Variants in STK32B observed in about 807,000 individuals in gnomAD.
The protein encoded by STK32B is serine/threonine kinase 32B, also known as serine/threonine-protein kinase 32B.
Under a neutral mutation model 52.6 loss-of-function variants are expected in STK32B, and 43 were observed. The observed-to-expected ratio is 0.82, with a 90% confidence interval of 0.64 to 1.05. The LOEUF (loss-of-function observed/expected upper bound fraction) is 1.05. STK32B is among the 50% of genes least tolerant of loss of function. The pLI is 0.00. For missense variants in STK32B, 621 were observed against 534.6 expected, an observed-to-expected ratio of 1.16 and a Z score of -1.59; for synonymous variants, 238 against 204.3, an observed-to-expected ratio of 1.17 and a Z score of -1.41.
the STK32B span, among the ~76,000 whole-genome samples, chr4:5,023,546 G>T: frequency 6.6e-6 from 1 of 152,096 alleles, no homozygotes; most frequent in Non-Finnish European, 1.5e-5. Flanking sequence ...TTCAAATCCT[G>T]TACCTTCTTA....
intron 3 of STK32B, among the ~76,000 whole-genome samples, chr4:5,283,674 G>C (rs1728354176): frequency 6.6e-6 from 1 of 152,186 alleles, no homozygotes; most frequent in Non-Finnish European, 1.5e-5. Flanking sequence ...GGCCAGGAGA[G>C]AGTGGGATGA....
chr4:5,431,564 C>G (rs541402089), intron 6 of STK32B, among the ~76,000 whole-genome samples: 1 of 151,276 alleles, frequency 6.6e-6, no homozygotes, highest in Non-Finnish European at 1.5e-5. Context: ...AAGTAGCTTT[C>G]TGATACTGGT....
chr4:5,294,277 T>A (rs1382998040), intron 3 of STK32B, among the ~76,000 whole-genome samples: 1 of 152,042 alleles, frequency 6.6e-6, no homozygotes, highest in Non-Finnish European at 1.5e-5. Flanking sequence ...ACAGGCTGTC[T>A]TTTGGTTCCA....
chr4:5,111,751 A>G lies in STK32B; in HGVS notation c.53-28154A>G, dbSNP rs2108802735. ...AACAAACACATGTACCCCTGAATCT[A>G]AAATTAAAAATAAAGAAAACGATGT... On this transcript the variant is annotated intron_variant, in intron 1 of 11. Coordinates refer to ENST00000282908, the MANE Select transcript of STK32B (RefSeq NM_018401.3). 1.3e-5 allele frequency among the ~76,000 whole-genome samples: 2 copies of G among 152,216 alleles called. 1 individual carries two copies. Among genetic ancestry groups the G allele is most frequent in the African/African-American group, 4.8e-5 (2 of 41,500 alleles).
chr4:5,456,279 C>T (rs1716513183), intron 7 of STK32B, among the ~76,000 whole-genome samples: 1 of 152,244 alleles, frequency 6.6e-6, no homozygotes, highest in Admixed American at 6.5e-5. Context: ...GAGGGGAGGA[C>T]AGGTGAGAAG....
In STK32B at chr4:5,460,317, G is replaced by T. The variant is rs774371510; in HGVS notation, c.909+89G>T. On this transcript the variant is annotated intron_variant, in intron 9 of 11. Transcript: ENST00000282908. This position sits in a 1 kb window ranked among gnomAD's most constrained non-coding sequence, Gnocchi z 4.8. Reference sequence around the variant, plus strand: ...CAAGACTTTGGCAGCTGGCTAGTGAGCCCTCTGCTGGCCACTTCCACCTGA... The same window carrying T: ...CAAGACTTTGGCAGCTGGCTAGTGATCCCTCTGCTGGCCACTTCCACCTGA... The T allele has an allele frequency of 1.2e-5, 18 of 1,522,514 alleles. No homozygotes were observed. The highest frequency in any genetic ancestry group is 6.2e-5 in the Admixed American group (3 of 48,506). 94.3% of individuals were successfully genotyped at this position (1,522,514 alleles called of 1,614,324 possible).
intron 6 of STK32B, among the ~76,000 whole-genome samples, chr4:5,429,237 C>T (rs1713356763): frequency 8.2e-6 from 1 of 121,652 alleles, no homozygotes; most frequent in Non-Finnish European, 1.9e-5. Context: ...CTTTTAAATC[C>T]AGTCTAACAG....
chr4:5,488,055 A>G (rs1268878326), intron 11 of STK32B, among the ~76,000 whole-genome samples: 1 of 152,212 alleles, frequency 6.6e-6, no homozygotes, highest in Non-Finnish European at 1.5e-5. Flanking sequence ...ATTCATAAAC[A>G]ATGTACAGAG....
chr4:5,369,147 C>T (rs917916418), intron 4 of STK32B, among the ~76,000 whole-genome samples: 1 of 151,754 alleles, frequency 6.6e-6, no homozygotes, highest in Non-Finnish European at 1.5e-5. Flanking sequence ...ACTTACTCTT[C>T]GCCTCTCCTC....
chr4:5,021,078 C>T, the STK32B span, among the ~76,000 whole-genome samples: 1 of 152,216 alleles, frequency 6.6e-6, no homozygotes, highest in Admixed American at 6.5e-5. Context: ...GGACACAGGG[C>T]TGGACTGAGG....
rs894126438 is a variant in STK32B at position 5,467,566 on chromosome 4, G to A, written c.1042-440G>A. Among the ~76,000 whole-genome samples, 10 of 152,038 alleles carry A rather than the reference G, an allele frequency of 6.6e-5. No homozygotes were observed. Among genetic ancestry groups the A allele is most frequent in the East Asian group, 1.9e-4 (1 of 5,174 alleles). On this transcript the variant is annotated intron_variant, in intron 10 of 11. Coordinates refer to ENST00000282908, the MANE Select transcript of STK32B (RefSeq NM_018401.3). The surrounding 1 kb of genome is among the most constrained non-coding windows in gnomAD (Gnocchi z 5.8). ...TGTAAAGGTTCTATTTCCAAATAAC[G>A]TCATGTTTATAAGTACTGGGGGGCT...
chr4:5,249,960 A>G (rs1725797037), intron 3 of STK32B, among the ~76,000 whole-genome samples: 1 of 152,126 alleles, frequency 6.6e-6, no homozygotes, highest in Non-Finnish European at 1.5e-5. Flanking sequence ...CTTTGTATCC[A>G]TGTACACTCA....
intron 4 of STK32B, among the ~76,000 whole-genome samples, chr4:5,367,133 A>G (rs1250169959): frequency 6.6e-6 from 1 of 152,114 alleles, no homozygotes; most frequent in Admixed American, 6.5e-5. Flanking sequence ...AAGAATTCAC[A>G]TTTCCCCCTA....
chr4:5,174,065 T>G (rs1202544183), intron 3 of STK32B, among the ~76,000 whole-genome samples: 3 of 152,190 alleles, frequency 2.0e-5, no homozygotes, highest in Non-Finnish European at 4.4e-5. Flanking sequence ...ATGGCCTTCT[T>G]TGTCTCTTTT....
chr4:5,269,072 A>G (rs1225271346), intron 3 of STK32B, among the ~76,000 whole-genome samples: 1 of 152,160 alleles, frequency 6.6e-6, no homozygotes, highest in Non-Finnish European at 1.5e-5. Flanking sequence ...AGAGTCTGGA[A>G]AGACCAAGGC....
chr4:5,065,598 C>G (rs1032074786), intron 1 of STK32B, among the ~76,000 whole-genome samples: 6 of 152,162 alleles, frequency 3.9e-5, no homozygotes, highest in African/African-American at 1.4e-4. Context: ...ATTGGCAATG[C>G]CTAGCACGAG....
intron 4 of STK32B, among the ~76,000 whole-genome samples, chr4:5,391,498 A>G (rs769030701): frequency 3.9e-5 from 6 of 152,318 alleles, no homozygotes; most frequent in Admixed American, 6.5e-5. Context: ...ACCCTTGACA[A>G]TATCCCAGGA....
the STK32B span, among the ~76,000 whole-genome samples, chr4:5,021,404 G>T: frequency 6.6e-6 from 1 of 152,216 alleles, no homozygotes; most frequent in Non-Finnish European, 1.5e-5. Context: ...TGGAGGCACA[G>T]ATGTGTTTTC....
At chr4:5,370,618 G>T (rs1021111312) in intron 4 of STK32B, among the ~76,000 whole-genome samples, 43 of 152,192 alleles carry the variant, frequency 2.8e-4, no homozygotes, top group African/African-American at 1.0e-3. Context: ...ACGTGGGTTG[G>T]AGCCCTAGTG....
Sources: allele counts gnomAD v4.1 joint callset (sites outside exome capture counted in the v4.1 genomes callset), GRCh38; gene constraint gnomAD v4.1.1; non-coding constraint Gnocchi (gnomAD v3.1); transcripts MANE v1.5; gene names NCBI Gene and HGNC (gene_info 2026-07-23, HGNC 2026-07-21).